Variants in MRRF observed in about 807,000 individuals in gnomAD.
MRRF encodes the protein ribosome-recycling factor, mitochondrial.
Under a neutral mutation model 25.1 loss-of-function variants are expected in MRRF, and 18 were observed. The ratio of observed to expected loss-of-function variants is 0.72; its 90% CI spans 0.50 to 1.06. The LOEUF (loss-of-function observed/expected upper bound fraction) is 1.06, where lower values mean the gene tolerates loss of function less well. Ranked by LOEUF, MRRF falls within the 50% of genes least tolerant of loss-of-function variation. The probability of loss-of-function intolerance (pLI) is 0.00; values close to 1 mark genes in which losing one functional copy is unlikely to be tolerated. For missense variants in MRRF, 323 were observed against 319.3 expected, an observed-to-expected ratio of 1.01 and a Z score of -0.09; for synonymous variants, 113 against 112.1, an observed-to-expected ratio of 1.01 and a Z score of -0.05.
At chr9:122,268,272 G>T (rs761441388) in intron 1 of MRRF, among the ~76,000 whole-genome samples, 2 of 152,132 alleles carry the variant, frequency 1.3e-5, no homozygotes, top group African/African-American at 2.4e-5. Context: ...TGGGTGCTGC[G>T]TTTTCTGTCA....
At position 122,313,392 on chromosome 9, in the gene MRRF, A is replaced by T; in HGVS notation, c.711+6A>T. 6.2e-7 allele frequency: 1 copy of T among 1,613,656 alleles called. No individual in the cohort carries two copies. ...TTAGGCTAATAGAGAAACAGGTACT[A>T]TTGCCAGCAATGTAGTAGTGTCTGT... On this transcript the variant is annotated splice_donor_region_variant and intron_variant, in intron 6 of 6. Coordinates refer to ENST00000344641, the MANE Select transcript of MRRF (RefSeq NM_138777.5).
rs1432277521 is a variant in MRRF at position 122,325,058 on chromosome 9, A to AT, written c.*2447dup. The AT allele has an allele frequency of 6.6e-6, 1 of 152,204 alleles. No homozygotes were observed. Among genetic ancestry groups the AT allele is most frequent in the African/African-American group, 2.4e-5 (1 of 41,460 alleles). The allele number at this position is 152,204 out of a possible 1,614,324, so 9.4% of individuals were successfully genotyped here. ...CAAATGTGCTTCTCAAAGATGCAGGATTTTTTAATAAACAGAGGAAATGAT... is the reference window on the plus strand; with the variant it reads ...CAAATGTGCTTCTCAAAGATGCAGGATTTTTTTAATAAACAGAGGAAATGAT... On this transcript the variant is annotated 3_prime_UTR_variant, in exon 7 of 7. Coordinates refer to ENST00000344641, the MANE Select transcript of MRRF (RefSeq NM_138777.5).
chr9:122,319,135 CT>C (rs1258888083), intron 6 of MRRF, among the ~76,000 whole-genome samples: 1 of 144,012 alleles, frequency 6.9e-6, no homozygotes, highest in Non-Finnish European at 1.5e-5. Context: ...CACTGAACTT[CT>C]TTCTTTCTTT....
intron 1 of MRRF, among the ~76,000 whole-genome samples, chr9:122,269,580 C>A (rs980575328): frequency 6.6e-6 from 1 of 151,612 alleles, no homozygotes; most frequent in Non-Finnish European, 1.5e-5. Context: ...CAAAAAAATT[C>A]GCTGGGCATG....
intron 5 of MRRF, among the ~76,000 whole-genome samples, chr9:122,305,010 A>T (rs570656964): frequency 6.6e-6 from 1 of 151,814 alleles, no homozygotes; most frequent in East Asian, 1.9e-4. Flanking sequence ...TGGCATGATC[A>T]TAGCTCACTG....
Position 122,325,793 on chromosome 9 carries a change from C to CGT in MRRF, c.*3176_*3177insGT, listed in dbSNP as rs1554826005. 4 of 140,704 alleles carry CGT rather than the reference C, an allele frequency of 2.8e-5. No homozygotes were observed. The highest frequency in any genetic ancestry group is 6.2e-5 in the Non-Finnish European group (4 of 64,852). The allele number at this position is 140,704 out of a possible 1,614,324, so 8.7% of individuals were successfully genotyped here. A position where few individuals can be genotyped will look rare whatever the true frequency, so the allele number is the denominator to read the frequency against. On this transcript the variant is annotated 3_prime_UTR_variant, in exon 7 of 7. Coordinates refer to ENST00000344641, the MANE Select transcript of MRRF (RefSeq NM_138777.5). ...TCTTTCCAGACCTCCTTTCTCTGTGCATATATGTGTGTGTGTGTGTGTGTG... is the reference window on the plus strand; with the variant it reads ...TCTTTCCAGACCTCCTTTCTCTGTGCGTATATATGTGTGTGTGTGTGTGTGTG...
intron 5 of MRRF, among the ~76,000 whole-genome samples, chr9:122,296,465 G>GT (rs1288945899): frequency 6.6e-6 from 1 of 152,190 alleles, no homozygotes; most frequent in African/African-American, 2.4e-5. Flanking sequence ...ACAACACTAT[G>GT]TGGTGAAGAG....
At chr9:122,309,906 C>G (rs1835100155) in intron 5 of MRRF, among the ~76,000 whole-genome samples, 1 of 152,198 alleles carries the variant, frequency 6.6e-6, no homozygotes, top group Non-Finnish European at 1.5e-5. Flanking sequence ...AAAAAGTCAT[C>G]TTGCCATAGC....
chr9:122,311,013 A>G (rs1446294404), intron 5 of MRRF, among the ~76,000 whole-genome samples: 2 of 152,208 alleles, frequency 1.3e-5, no homozygotes, highest in Non-Finnish European at 2.9e-5. Context: ...CAAGGCTACT[A>G]TATATGCTGC....
At chr9:122,289,220 T>G (rs1833598902) in intron 4 of MRRF, among the ~76,000 whole-genome samples, 1 of 152,182 alleles carries the variant, frequency 6.6e-6, no homozygotes, top group Non-Finnish European at 1.5e-5. Flanking sequence ...TAAAATAAGA[T>G]TTTGAGCCAT....
intron 3 of MRRF, 129 bp downstream of exon 3, chr9:122,280,727 G>A: frequency 1.2e-6 from 1 of 801,032 alleles, no homozygotes; most frequent in Admixed American, 2.2e-5. Flanking sequence ...TGCTTTTCTG[G>A]TCCTCGGTTT....
At chr9:122,322,474 G>T in intron 6 of MRRF, 66 bp from the exon 7 acceptor site, 2 of 1,394,000 alleles carry the variant, frequency 1.4e-6, no homozygotes, top group South Asian at 2.4e-5. Flanking sequence ...CATGTTTCTG[G>T]AATATTCATC....
At chr9:122,322,314 G>T (rs1473007927) in intron 6 of MRRF, among the ~76,000 whole-genome samples, 1 of 151,708 alleles carries the variant, frequency 6.6e-6, no homozygotes, top group Non-Finnish European at 1.5e-5. Context: ...AGTGAGCCGA[G>T]ATTGCACCAC....
chr9:122,302,525 C>T (rs760362615), intron 5 of MRRF, among the ~76,000 whole-genome samples: 1 of 152,190 alleles, frequency 6.6e-6, no homozygotes, highest in Non-Finnish European at 1.5e-5. Context: ...CGTTGTAGCA[C>T]GTGTCAGTAC....
At chr9:122,290,018 C>A (rs1833657531) in intron 4 of MRRF, among the ~76,000 whole-genome samples, 1 of 150,916 alleles carries the variant, frequency 6.6e-6, no homozygotes, top group Non-Finnish European at 1.5e-5. Context: ...TATGCCACTG[C>A]CCTCAAGCCT....
chr9:122,276,867 C>A (rs1435966821), intron 2 of MRRF, among the ~76,000 whole-genome samples: 3 of 152,014 alleles, frequency 2.0e-5, no homozygotes, highest in Non-Finnish European at 2.9e-5. Flanking sequence ...TGATCAGTTT[C>A]TCCTTTTTTG....
rs184895623 is a variant in MRRF, at chr9:122,288,540, C to G, written c.460-3209C>G. 4.7e-3 allele frequency among the ~76,000 whole-genome samples: 721 copies of G among 152,274 alleles called. 2 individuals carry two copies. Among genetic ancestry groups the G allele is most frequent in the Middle Eastern group, 0.01 (3 of 294 alleles). On this transcript the variant is annotated intron_variant, in intron 4 of 6. Coordinates refer to ENST00000344641, the MANE Select transcript of MRRF (RefSeq NM_138777.5). ...AAAAGCCTGTGCTCCTTTCACCATT[C>G]GTTTGTTAATTCAGCACATATTTTT...
At chr9:122,283,545 A>C (rs1284700898) in intron 3 of MRRF, among the ~76,000 whole-genome samples, 1 of 152,242 alleles carries the variant, frequency 6.6e-6, no homozygotes, top group Admixed American at 6.5e-5. Context: ...GACTTTTACC[A>C]TTATACCTCC....
intron 6 of MRRF, 30 bp from the exon 7 acceptor site, chr9:122,322,510 A>T (rs1195920751): frequency 6.2e-7 from 1 of 1,606,722 alleles, no homozygotes; most frequent in Admixed American, 1.7e-5. Flanking sequence ...AGCCCCATTA[A>T]TCAGGCTGTC....
Sources: gnomAD v4.1 joint callset for allele counts (sites outside exome capture counted in the v4.1 genomes callset) on GRCh38, gnomAD v4.1.1 for gene constraint, MANE v1.5 for transcripts, NCBI Gene and HGNC (gene_info 2026-07-23, HGNC 2026-07-21) for gene names.